AAMDC: variants seen among roughly 807,000 people sequenced by gnomAD.
AAMDC encodes the protein adipogenesis associated Mth938 domain containing, also known as mth938 domain-containing protein.
In AAMDC, 16 loss-of-function variants were observed where a neutral mutation model predicts 15.5. The observed-to-expected ratio is 1.03, with a 90% CI of 0.70 to 1.57. AAMDC has a LOEUF of 1.57. Ranked by LOEUF, AAMDC falls within the 40% of genes most tolerant of loss-of-function variation. The pLI is 0.00. For synonymous variants in AAMDC, 51 were observed against 51.6 expected, an observed-to-expected ratio of 0.99 and a Z score of 0.05; for missense variants, 141 against 144.9, an observed-to-expected ratio of 0.97 and a Z score of 0.14.
At position 77,863,679 on chromosome 11, in the gene AAMDC, G is replaced by A. The variant is rs377312626; in HGVS notation, c.133-6043G>A. On this transcript the variant is annotated intron_variant, in intron 2 of 3. Transcript: ENST00000393427. ...GCTGGGATTGTAGGCATAAGCCACCGCACCTGGCTGATTTTTTATGAGACG... is the reference window on the plus strand; with the variant it reads ...GCTGGGATTGTAGGCATAAGCCACCACACCTGGCTGATTTTTTATGAGACG... Among the ~76,000 whole-genome samples the A allele has an allele frequency of 6.4e-4, 97 of 152,134 alleles. 2 individuals carry two copies. The highest frequency in any genetic ancestry group is 2.3e-3 in the African/African-American group (95 of 41,504).
chr11:77,829,759 A>G (rs1242412155), intron 1 of AAMDC: 1 of 152,244 alleles, frequency 6.6e-6, no homozygotes, highest in African/African-American at 2.4e-5. Flanking sequence ...AATAGACCTC[A>G]TCAAAATTAA....
chr11:77,902,500 G>A (rs1179581120), downstream of AAMDC, among the ~76,000 whole-genome samples: 1 of 152,098 alleles, frequency 6.6e-6, no homozygotes, highest in Non-Finnish European at 1.5e-5. Context: ...CAGATTCTGG[G>A]TATCAGAGGA....
downstream of AAMDC, among the ~76,000 whole-genome samples, chr11:77,874,246 C>T (rs549374880): frequency 1.3e-5 from 2 of 152,168 alleles, no homozygotes; most frequent in African/African-American, 2.4e-5. Flanking sequence ...GTGCCCTTTC[C>T]GCAGCCCTTT....
intron 1 of AAMDC, among the ~76,000 whole-genome samples, chr11:77,837,728 G>A (rs1949749607): frequency 6.6e-6 from 1 of 152,046 alleles, no homozygotes; most frequent in Non-Finnish European, 1.5e-5. Context: ...GAACCACCAC[G>A]CCCAGCCCTC....
downstream of AAMDC, among the ~76,000 whole-genome samples, chr11:77,874,283 G>C (rs1423352982): frequency 2.6e-5 from 4 of 151,978 alleles, no homozygotes; most frequent in East Asian, 3.9e-4. Flanking sequence ...GATCTTTCTA[G>C]ATCTGTTCCC....
intron 5 of AAMDC, among the ~76,000 whole-genome samples, chr11:77,886,785 C>T (rs1356648458): frequency 1.3e-5 from 2 of 152,032 alleles, no homozygotes; most frequent in Admixed American, 6.6e-5. Flanking sequence ...GCAGGCCTTG[C>T]TAAGAAACTC....
At chr11:77,850,854 C>A (rs931951486) in intron 2 of AAMDC, 1 of 151,606 alleles carries the variant, frequency 6.6e-6, no homozygotes, top group Admixed American at 6.6e-5. Flanking sequence ...ATCACAGATA[C>A]GACATTTCAG....
At chr11:77,875,157 C>T (rs1951562212), downstream of AAMDC, among the ~76,000 whole-genome samples, 1 of 152,158 alleles carries the variant, frequency 6.6e-6, no homozygotes, top group African/African-American at 2.4e-5. Context: ...TTTCAGAAAC[C>T]TGAATCTTTT....
At chr11:77,879,253 C>T in intron 5 of AAMDC, 1 of 958,056 alleles carries the variant, frequency 1.0e-6, no homozygotes, top group South Asian at 1.6e-5. Context: ...TCTACATTCC[C>T]TCCCCTTACC....
chr11:77,868,454 G>T (rs1951231990), intron 2 of AAMDC, among the ~76,000 whole-genome samples: 1 of 150,290 alleles, frequency 6.7e-6, no homozygotes, highest in Non-Finnish European at 1.5e-5. Context: ...TGCCTCCCAG[G>T]TTCAAGTGAT....
chr11:77,831,840 CAT>C (rs1174290706), intron 1 of AAMDC: 1 of 152,630 alleles, frequency 6.6e-6, no homozygotes, highest in East Asian at 1.9e-4. Flanking sequence ...GGATTACAGA[CAT>C]GTGCCACCAT....
chr11:77,864,737 G>T (rs1193280886), intron 2 of AAMDC, among the ~76,000 whole-genome samples: 3 of 152,162 alleles, frequency 2.0e-5, no homozygotes, highest in Non-Finnish European at 4.4e-5. Context: ...TCAACACGTT[G>T]GGAGACCAAG....
At chr11:77,877,534 G>A (rs1011505467) in intron 5 of AAMDC, among the ~76,000 whole-genome samples, 2 of 152,206 alleles carry the variant, frequency 1.3e-5, no homozygotes, top group African/African-American at 4.8e-5. Flanking sequence ...GAGAGCTGAA[G>A]ATTTGAAGGC....
intron 5 of AAMDC, among the ~76,000 whole-genome samples, chr11:77,892,614 G>C (rs116382366): frequency 6.6e-6 from 1 of 152,008 alleles, no homozygotes; most frequent in Non-Finnish European, 1.5e-5. Context: ...AAGGAGTCTC[G>C]CACTATTGCC....
intron 1 of AAMDC, 49 bp downstream of exon 1, chr11:77,821,290 G>A (rs1948886299): frequency 1.1e-5 from 2 of 190,452 alleles, no homozygotes; most frequent in Admixed American, 6.0e-5. Context: ...TGGTGGAGAG[G>A]TTGAGGAGAA....
chr11:77,822,178 G>A (rs556658141), intron 1 of AAMDC, among the ~76,000 whole-genome samples: 8 of 152,194 alleles, frequency 5.3e-5, no homozygotes, highest in Non-Finnish European at 1.2e-4. Context: ...GGTGGCTCAT[G>A]CCTGTAATCC....
chr11:77,869,617 G>C, intron 2 of AAMDC, 105 bp from the exon 3 acceptor site: 15 of 1,119,800 alleles, frequency 1.3e-5, no homozygotes, highest in Non-Finnish European at 2.0e-5. Flanking sequence ...TTGGCACAAA[G>C]TGAACCTCAG....
chr11:77,904,816 T>C (rs1055672130), downstream of AAMDC, among the ~76,000 whole-genome samples: 1 of 152,176 alleles, frequency 6.6e-6, no homozygotes, highest in Non-Finnish European at 1.5e-5. Context: ...GTGTTTTGGG[T>C]TGTATGCAGG....
intron 2 of AAMDC, chr11:77,869,038 A>G (rs1951270979): frequency 2.9e-6 from 1 of 342,956 alleles, no homozygotes; most frequent in Non-Finnish European, 5.5e-6. Flanking sequence ...TTTGTGGGAC[A>G]TTCCTTTTTG....
Sources: gnomAD v4.1 joint callset for allele counts (sites outside exome capture counted in the v4.1 genomes callset) on GRCh38, gnomAD v4.1.1 for gene constraint, MANE v1.5 for transcripts, NCBI Gene and HGNC (gene_info 2026-07-23, HGNC 2026-07-21) for gene names.